SOX5: variants seen among roughly 807,000 people sequenced by gnomAD.
SOX5 encodes the protein SRY-box transcription factor 5.
Under a neutral mutation model 92.0 loss-of-function variants are expected in SOX5, and 9 were observed. The observed-to-expected ratio is 0.10, with a 90% CI of 0.06 to 0.17. The LOEUF is 0.17. Among genes scored for constraint, SOX5 ranks in the 10% least tolerant of loss-of-function variants. SOX5 has a pLI of 1.00. For missense variants in SOX5, 642 were observed against 944.5 expected (o/e 0.68, Z 4.20); for synonymous variants, 344 against 336.3 (o/e 1.02, Z -0.25).
intron 1 of SOX5, among the ~76,000 whole-genome samples, chr12:24,453,102 C>T (rs962841003): frequency 2.6e-5 from 4 of 152,004 alleles, no homozygotes; most frequent in Non-Finnish European, 5.9e-5. Flanking sequence ...CAGGAGTGGA[C>T]CTAATTCAGA....
intron 6 of SOX5, among the ~76,000 whole-genome samples, chr12:23,715,578 C>T (rs1203109328): frequency 6.6e-6 from 1 of 152,040 alleles, no homozygotes; most frequent in South Asian, 2.1e-4. Flanking sequence ...ACTCTAAGTA[C>T]CTTAACAACT....
intron 4 of SOX5, among the ~76,000 whole-genome samples, chr12:24,072,885 T>G (rs12307741): frequency 0.33 from 50,625 of 152,040 alleles, 8,934 homozygotes; most frequent in Non-Finnish European, 0.41. Context: ...TTTACATGAA[T>G]AACACATAAA....
intron 4 of SOX5, among the ~76,000 whole-genome samples, chr12:24,003,769 G>GTTTT (rs59230154): frequency 7.5e-4 from 111 of 147,966 alleles, no homozygotes; most frequent in South Asian, 5.3e-3. Context: ...ATGCCAGCAG[G>GTTTT]TTTTTTTTTT....
intron 3 of SOX5, among the ~76,000 whole-genome samples, chr12:24,262,059 G>C (rs1942175122): frequency 6.6e-6 from 1 of 152,162 alleles, no homozygotes; most frequent in South Asian, 2.1e-4. Flanking sequence ...GTACCGATTA[G>C]GTATACAATT....
At chr12:23,818,329 G>C (rs538942400) in intron 3 of SOX5, among the ~76,000 whole-genome samples, 1 of 152,080 alleles carries the variant, frequency 6.6e-6, no homozygotes, top group Non-Finnish European at 1.5e-5. Context: ...GCTGAATACC[G>C]TATGCAACTG....
chr12:24,065,987 T>C (rs1483940196), intron 4 of SOX5, among the ~76,000 whole-genome samples: 1 of 152,230 alleles, frequency 6.6e-6, no homozygotes, highest in African/African-American at 2.4e-5. Flanking sequence ...CTTGTTCATC[T>C]ATTGTACTCT....
intron 1 of SOX5, among the ~76,000 whole-genome samples, chr12:23,927,454 A>G (rs1657703761): frequency 6.6e-6 from 1 of 152,022 alleles, no homozygotes; most frequent in Admixed American, 6.6e-5. Context: ...ATACACACAT[A>G]CATACATATG....
At chr12:23,875,588 A>G (rs2096919048) in intron 2 of SOX5, among the ~76,000 whole-genome samples, 1 of 152,104 alleles carries the variant, frequency 6.6e-6, no homozygotes, top group South Asian at 2.1e-4. Context: ...GAGGAGGAAG[A>G]GAGGAAAGAA....
chr12:23,741,163 C>T lies in SOX5; in HGVS notation c.569-124G>A, dbSNP rs963356812. ...AAGTTCAATAAACACAAAAGCATTA[C>T]CTACCTTCTTTTACATTTTCACGCA... On this transcript the variant is annotated intron_variant, in intron 4 of 14. Coordinates refer to ENST00000451604, the MANE Select transcript of SOX5 (RefSeq NM_006940.6). 11 of 587,014 alleles carry T rather than the reference C, an allele frequency of 1.9e-5. No homozygotes were observed. The African/African-American group carries it at 2.1e-4, about 11-fold the overall frequency. 36.4% of individuals were successfully genotyped at this position (587,014 alleles called of 1,614,324 possible).
chr12:23,921,168 T>TAA (rs1938140239), intron 1 of SOX5, among the ~76,000 whole-genome samples: 1 of 152,132 alleles, frequency 6.6e-6, no homozygotes, highest in Admixed American at 6.5e-5. Flanking sequence ...CAAGGAAGCC[T>TAA]AATAAAGAAG....
At chr12:24,265,911 T>C (rs1004785567) in intron 3 of SOX5, among the ~76,000 whole-genome samples, 3 of 152,178 alleles carry the variant, frequency 2.0e-5, no homozygotes, top group South Asian at 2.1e-4. Context: ...CAGAGTCTTA[T>C]ATTTCTTGAC....
At chr12:23,647,950 G>A (rs921188024) in intron 7 of SOX5, among the ~76,000 whole-genome samples, 2 of 152,094 alleles carry the variant, frequency 1.3e-5, no homozygotes, top group Non-Finnish European at 1.5e-5. Flanking sequence ...CTTTTCCTTT[G>A]CATTCGCAAC....
intron 4 of SOX5, among the ~76,000 whole-genome samples, chr12:24,179,007 A>G (rs1317106560): frequency 6.6e-6 from 1 of 152,224 alleles, no homozygotes; most frequent in African/African-American, 2.4e-5. Context: ...AATATATGGG[A>G]TTTACCATCT....
intron 2 of SOX5, among the ~76,000 whole-genome samples, chr12:24,291,581 C>A (rs1414042821): frequency 6.6e-6 from 1 of 152,094 alleles, no homozygotes; most frequent in Non-Finnish European, 1.5e-5. Context: ...CATATAGAAA[C>A]AGAAAACAGA....
chr12:23,534,485 C>T lies in SOX5; in HGVS notation c.2026G>A (p.Val676Met), dbSNP rs1488465965. 1.2e-6 allele frequency: 2 copies of T among 1,613,734 alleles called. No homozygotes were observed. Among genetic ancestry groups the T allele is most frequent in the Non-Finnish European group, 1.7e-6 (2 of 1,179,928 alleles). The change falls in exon 15 of 15, where the codon GTG (valine) becomes ATG (methionine). Residue 676 changes from valine to methionine, a missense_variant. By Grantham distance (21) the Val-to-Met change is conservative (BLOSUM62 1). Transcript: ENST00000451604. Reference sequence around the variant, plus strand: ...GCCATGGCGATGGCTCCAGGGTACACAACACCAGCAGTGGCAATGGGGATC... The same window carrying T: ...GCCATGGCGATGGCTCCAGGGTACATAACACCAGCAGTGGCAATGGGGATC... The part of the protein sequence containing the change: ...AQIPIATAGV[V>M]YPGAIAMAGM...
intron 6 of SOX5, among the ~76,000 whole-genome samples, chr12:23,698,664 C>A (rs2090214523): frequency 2.0e-5 from 3 of 151,980 alleles, no homozygotes; most frequent in Admixed American, 6.6e-5. Context: ...TGTGTGATTT[C>A]TTGCTTCTTT....
rs544103981 is a variant in SOX5 at position 23,796,745 on chromosome 12, C to T, written c.482-41021G>A. 2.0e-4 allele frequency among the ~76,000 whole-genome samples: 30 copies of T among 151,580 alleles called. No individual in the cohort carries two copies. The South Asian group carries it at 3.3e-3, about 17-fold the overall frequency. On this transcript the variant is annotated intron_variant, in intron 3 of 14. Coordinates refer to ENST00000451604, the MANE Select transcript of SOX5 (RefSeq NM_006940.6). ...AACTGAAACTACCTAAACAGATCAC[C>T]AATATAGTGATTTCCATTCTAATAT... is the stretch of plus-strand genomic sequence containing the variant.
At chr12:23,767,735 A>T (rs1044536265) in intron 3 of SOX5, among the ~76,000 whole-genome samples, 3 of 152,126 alleles carry the variant, frequency 2.0e-5, no homozygotes, top group African/African-American at 7.2e-5. Context: ...GGATAATGAA[A>T]TATGGGGAAG....
intron 4 of SOX5, among the ~76,000 whole-genome samples, chr12:24,183,428 T>C (rs1396619796): frequency 6.6e-6 from 1 of 152,202 alleles, no homozygotes; most frequent in Admixed American, 6.5e-5. Context: ...AAGTTTATTA[T>C]TCATTTGCTA....
Sources: allele counts gnomAD v4.1 joint callset (sites outside exome capture counted in the v4.1 genomes callset), GRCh38; gene constraint gnomAD v4.1.1; transcripts MANE v1.5; gene names NCBI Gene and HGNC (gene_info 2026-07-23, HGNC 2026-07-21).